Variants in PLG observed in about 807,000 individuals in gnomAD.
The protein encoded by PLG is plasminogen.
Under a neutral mutation model 104.4 loss-of-function variants are expected in PLG, and 41 were observed. That is an observed-to-expected ratio of 0.39 (90% CI 0.31 to 0.51). The LOEUF is 0.51. Ranked by LOEUF, PLG falls within the 20% of genes least tolerant of loss-of-function variation. PLG has a pLI of 0.76. For missense variants in PLG, 891 were observed against 1,003.6 expected (o/e 0.89, Z 1.52); for synonymous variants, 337 against 357.1 (o/e 0.94, Z 0.63).
intron 5 of PLG, chr6:160,713,357 G>A (rs1034374300): frequency 1.4e-4 from 66 of 461,624 alleles, no homozygotes; most frequent in Admixed American, 1.4e-3. Flanking sequence ...CACAACCTCC[G>A]CCTCCGGGTT....
At position 160,739,487 on chromosome 6, in the gene PLG, T is replaced by C. The variant is rs1241812013; in HGVS notation, c.2018+279T>C. On this transcript the variant is annotated intron_variant, in intron 16 of 18. Coordinates refer to ENST00000308192, the MANE Select transcript of PLG (RefSeq NM_000301.5). The surrounding 1 kb of genome is among the most constrained non-coding windows in gnomAD (Gnocchi z 4.4). ...AACTCACTTAATGTTCACCAGTTCATACACATTCATGATCAGAGAACGATT... is the reference window on the plus strand; with the variant it reads ...AACTCACTTAATGTTCACCAGTTCACACACATTCATGATCAGAGAACGATT... Among the ~76,000 whole-genome samples, 1 of 152,204 alleles carries C rather than the reference T, an allele frequency of 6.6e-6. No homozygotes were observed. Among genetic ancestry groups the C allele is most frequent in the Non-Finnish European group, 1.5e-5 (1 of 68,032 alleles).
Position 160,731,909 on chromosome 6 carries a change from T to A in PLG, c.1587+16T>A, listed in dbSNP as rs376598779. The A allele has an allele frequency of 1.9e-6, 3 of 1,613,528 alleles. 1 individual carries two copies. Among genetic ancestry groups the A allele is most frequent in the East Asian group, 4.5e-5 (2 of 44,872 alleles). On this transcript the variant is annotated intron_variant, in intron 12 of 18. Transcript: ENST00000308192. The surrounding 1 kb of genome is among the most constrained non-coding windows in gnomAD (Gnocchi z 5.1). ...GGAAAAAAATGTAAGCCACTTTGAT[T>A]TGGACTCTTTGGCCTTTTGCTCACC...
intron 5 of PLG, 181 bp downstream of exon 5, chr6:160,713,306 C>G: frequency 3.3e-6 from 2 of 598,324 alleles, no homozygotes; most frequent in South Asian, 3.6e-5. Context: ...GTTTTGCTCT[C>G]GTTGCCCAGG....
In PLG at chr6:160,752,069, T is replaced by A. The variant is rs369618363; in HGVS notation, c.2126-46T>A. ...CTCTGTTCTGGAATATCCTCCTGAA[T>A]GTGTTTTGGGTGCAGTTGCCATTTC... is the stretch of plus-strand genomic sequence containing the variant. On this transcript the variant is annotated intron_variant, in intron 17 of 18. Coordinates refer to ENST00000308192, the MANE Select transcript of PLG (RefSeq NM_000301.5). The surrounding 1 kb of genome is among the most constrained non-coding windows in gnomAD (Gnocchi z 4.7). 1.7e-5 allele frequency: 27 copies of A among 1,575,370 alleles called. No individual in the cohort carries two copies. Among genetic ancestry groups the A allele is most frequent in the East Asian group, 9.0e-5 (4 of 44,636 alleles).
In PLG at chr6:160,741,115, C is replaced by T. The variant is rs1562381254; in HGVS notation, c.2019-196C>T. Among the ~76,000 whole-genome samples the T allele has an allele frequency of 6.6e-6, 1 of 152,292 alleles. No homozygotes were observed. The highest frequency in any genetic ancestry group is 2.1e-4 in the South Asian group (1 of 4,822). ...GCAACTGATGCCTTTCAAATGAAAC[C>T]TTACATCTGCATAGTCCATAGACAA... On this transcript the variant is annotated intron_variant, in intron 16 of 18. Coordinates refer to ENST00000308192, the MANE Select transcript of PLG (RefSeq NM_000301.5). This position sits in a 1 kb window ranked among gnomAD's most constrained non-coding sequence, Gnocchi z 4.7.
chr6:160,752,858 G>A lies in PLG; in HGVS notation c.2272-42G>A, dbSNP rs763797188. The stretch of plus-strand genomic sequence containing the variant: ...GATGGCATCCCATAATAAAAGGCAG[G>A]CAGCCTAACCCTCACATGCATTTTT... On this transcript the variant is annotated intron_variant, in intron 18 of 18. Transcript: ENST00000308192. The surrounding 1 kb of genome is among the most constrained non-coding windows in gnomAD (Gnocchi z 4.7). 6.2e-7 allele frequency: 1 copy of A among 1,605,780 alleles called. No homozygotes were observed. The highest frequency in any genetic ancestry group is 8.5e-7 in the Non-Finnish European group (1 of 1,172,438).
intron 5 of PLG, among the ~76,000 whole-genome samples, chr6:160,714,484 T>G (rs1392773254): frequency 6.6e-6 from 1 of 152,178 alleles, no homozygotes; most frequent in East Asian, 1.9e-4. Context: ...GGCTCCCCAC[T>G]GGCCTGTGCA....
At position 160,736,171 on chromosome 6, in the gene PLG, C is replaced by T. The variant is rs1293668973; in HGVS notation, c.1682-716C>T. On this transcript the variant is annotated intron_variant, in intron 13 of 18. Coordinates refer to ENST00000308192, the MANE Select transcript of PLG (RefSeq NM_000301.5). The surrounding 1 kb of genome is among the most constrained non-coding windows in gnomAD (Gnocchi z 5.2). ...TGTTGTAGGCATTGGTGGATGGTAC[C>T]AAAGATGGGACACTGTCCCTACCTC... Among the ~76,000 whole-genome samples the T allele has an allele frequency of 1.3e-5, 2 of 152,156 alleles. No homozygotes were observed. Among genetic ancestry groups the T allele is most frequent in the African/African-American group, 4.8e-5 (2 of 41,424 alleles).
At chr6:160,721,676 C>T (rs1241235564) in intron 9 of PLG, among the ~76,000 whole-genome samples, 1 of 152,178 alleles carries the variant, frequency 6.6e-6, no homozygotes, top group Non-Finnish European at 1.5e-5. Context: ...TTTTGGTGGA[C>T]GTAGGAGAAT....
intron 4 of PLG, chr6:160,711,889 A>G: frequency 1.4e-6 from 2 of 1,380,810 alleles, no homozygotes; most frequent in Non-Finnish European, 1.9e-6. Flanking sequence ...TGAAATTCAA[A>G]TGTTGCAACT....
chr6:160,711,391 GTT>G, intron 4 of PLG, 200 bp downstream of exon 4: 1 of 702,630 alleles, frequency 1.4e-6, no homozygotes, highest in Non-Finnish European at 2.4e-6. Flanking sequence ...CTATTTAATC[GTT>G]GTTATACTGT....
rs542651283 is a variant in PLG at position 160,734,440 on chromosome 6, A to T, written c.1681+352A>T. ...TTCGGATGAAAAACTTTCCCTTTCCACAGCTGAGAAGTAAGAAAGAAAATA... is the reference window on the plus strand; with the variant it reads ...TTCGGATGAAAAACTTTCCCTTTCCTCAGCTGAGAAGTAAGAAAGAAAATA... On this transcript the variant is annotated intron_variant, in intron 13 of 18. Coordinates refer to ENST00000308192, the MANE Select transcript of PLG (RefSeq NM_000301.5). The surrounding 1 kb of genome is among the most constrained non-coding windows in gnomAD (Gnocchi z 4.4). Among the ~76,000 whole-genome samples, 2 of 152,270 alleles carry T rather than the reference A, an allele frequency of 1.3e-5. No individual in the cohort carries two copies. Among genetic ancestry groups the T allele is most frequent in the Admixed American group, 1.3e-4 (2 of 15,298 alleles).
chr6:160,738,728 CA>C lies in PLG; in HGVS notation c.1877+117del. On this transcript the variant is annotated intron_variant, in intron 15 of 18. Coordinates refer to ENST00000308192, the MANE Select transcript of PLG (RefSeq NM_000301.5). The surrounding 1 kb of genome is among the most constrained non-coding windows in gnomAD (Gnocchi z 6.8). ...TCCTCCCTTCCTTCTCTGGCTGTGA[CA>C]CTAGGGACCAGGCCAGGGCAATTGG... The C allele has an allele frequency of 5.0e-6, 4 of 805,738 alleles. No individual in the cohort carries two copies. The highest frequency in any genetic ancestry group is 1.9e-5 in the Admixed American group (1 of 53,280). 49.9% of individuals were successfully genotyped at this position (805,738 alleles called of 1,614,324 possible).
chr6:160,739,342 G>A lies in PLG; in HGVS notation c.2018+134G>A. On this transcript the variant is annotated intron_variant, in intron 16 of 18. Transcript: ENST00000308192. This position sits in a 1 kb window ranked among gnomAD's most constrained non-coding sequence, Gnocchi z 4.4. ...ACATGAAAGGCTCAAGGGCTTTGGG[G>A]ACAGCATCAATCTTCAACCCTAGCC... 5 of 1,174,288 alleles carry A rather than the reference G, an allele frequency of 4.3e-6. No homozygotes were observed. Among genetic ancestry groups the A allele is most frequent in the Non-Finnish European group, 6.3e-6 (5 of 795,236 alleles). 72.7% of individuals were successfully genotyped at this position (1,174,288 alleles called of 1,614,324 possible).
Position 160,711,102 on chromosome 6 carries a change from G to A in PLG, c.318G>A (p.Gly106=), listed in dbSNP as rs747756137. The change falls in exon 4 of 19, where the codon GGG becomes GGA. Residue 106 remains glycine, a synonymous_variant. Transcript: ENST00000308192. The stretch of plus-strand genomic sequence containing the variant: ...TGTATCTCTCAGAGTGCAAGACTGG[G>A]AATGGAAAGAACTACAGAGGGACGA... The part of the protein sequence containing the change: ...KKVYLSECKT[G]NGKNYRGTMS... 1.2e-6 allele frequency: 2 copies of A among 1,612,310 alleles called. No individual in the cohort carries two copies. The highest frequency in any genetic ancestry group is 1.7e-6 in the Non-Finnish European group (2 of 1,178,388).
chr6:160,732,687 A>G lies in PLG; in HGVS notation c.1587+794A>G. Among the ~76,000 whole-genome samples, 1 of 152,172 alleles carries G rather than the reference A, an allele frequency of 6.6e-6. No homozygotes were observed. Among genetic ancestry groups the G allele is most frequent in the East Asian group, 1.9e-4 (1 of 5,192 alleles). On this transcript the variant is annotated intron_variant, in intron 12 of 18. Coordinates refer to ENST00000308192, the MANE Select transcript of PLG (RefSeq NM_000301.5). This position sits in a 1 kb window ranked among gnomAD's most constrained non-coding sequence, Gnocchi z 4.5. ...AGAGTGGCTCACAGAACTCAGGGGA[A>G]CACGTTACTTTTATTTACCCATTTG...
intron 3 of PLG, among the ~76,000 whole-genome samples, chr6:160,709,267 T>A (rs1299353335): frequency 6.6e-6 from 1 of 152,128 alleles, no homozygotes; most frequent in Non-Finnish European, 1.5e-5. Context: ...CCTGCCAGGG[T>A]TTTGCCAGGA....
Position 160,711,499 on chromosome 6 carries a change from C to A in PLG, c.407+308C>A, listed in dbSNP as rs537790926. 176 of 1,429,720 alleles carry A rather than the reference C, an allele frequency of 1.2e-4. 1 individual carries two copies. The African/African-American group carries it at 1.8e-3, about 14-fold the overall frequency. The allele number at this position is 1,429,720 out of a possible 1,614,324, so 88.6% of individuals were successfully genotyped here. A position where few individuals can be genotyped will look rare whatever the true frequency, so the allele number is the denominator to read the frequency against. On this transcript the variant is annotated intron_variant, in intron 4 of 18. Coordinates refer to ENST00000308192, the MANE Select transcript of PLG (RefSeq NM_000301.5). ...TCCACAGTTGGTTGAATTTGTGGAT[C>A]TGGAACCCATGGATACAGAGGGCCA... is the stretch of plus-strand genomic sequence containing the variant.
rs1031366124 is a variant in PLG at position 160,740,888 on chromosome 6, C to G, written c.2019-423C>G. ...GGATCCAAGGATGGAGCAAGTTGCT[C>G]TGGGCACACAACACATTTGCAATTT... On this transcript the variant is annotated intron_variant, in intron 16 of 18. Transcript: ENST00000308192. This position sits in a 1 kb window ranked among gnomAD's most constrained non-coding sequence, Gnocchi z 5.2. Among the ~76,000 whole-genome samples the G allele has an allele frequency of 2.0e-5, 3 of 152,156 alleles. No individual in the cohort carries two copies. The highest frequency in any genetic ancestry group is 2.1e-4 in the South Asian group (1 of 4,830).
Sources: gnomAD v4.1 joint callset for allele counts (sites outside exome capture counted in the v4.1 genomes callset) on GRCh38, gnomAD v4.1.1 for gene constraint, Gnocchi (gnomAD v3.1) non-coding constraint, MANE v1.5 for transcripts, NCBI Gene and HGNC (gene_info 2026-07-23, HGNC 2026-07-21) for gene names.